RPL6: variants seen among roughly 807,000 people sequenced by gnomAD.
RPL6 encodes ribosomal protein L6.
RPL6 carries 1 observed loss-of-function variant against 32.1 expected under a neutral mutation model. The observed-to-expected ratio is 0.03, with a 90% CI of 0.01 to 0.15. The LOEUF (loss-of-function observed/expected upper bound fraction) is 0.15. Ranked by LOEUF, RPL6 falls within the 10% of genes least tolerant of loss-of-function variation. RPL6 has a pLI of 1.00. For missense variants in RPL6, 275 were observed against 354.6 expected (o/e 0.78, Z 1.80); for synonymous variants, 126 against 131.6 (o/e 0.96, Z 0.29).
In RPL6 at chr12:112,406,612, G is replaced by A. The variant is rs567759600; in HGVS notation, c.480+135C>T. ...TACACTTCTTATTTGCAACAACTAA[G>A]TTGTATCTTGCAGATCATTTCCCCT... On this transcript the variant is annotated intron_variant, in intron 4 of 6. Coordinates refer to ENST00000202773, the MANE Select transcript of RPL6 (RefSeq NM_000970.6). The A allele has an allele frequency of 2.5e-6, 3 of 1,209,058 alleles. No homozygotes were observed. The Admixed American group carries it at 8.2e-5, about 33-fold the overall frequency. The allele number at this position is 1,209,058 out of a possible 1,614,324, so 74.9% of individuals were successfully genotyped here.
At chr12:112,413,005 A>G (rs2037359312), upstream of RPL6, among the ~76,000 whole-genome samples, 1 of 152,160 alleles carries the variant, frequency 6.6e-6, no homozygotes, top group African/African-American at 2.4e-5. Flanking sequence ...GAGCCTGTGT[A>G]TGGGATGAGT....
In RPL6 at chr12:112,406,238, G is replaced by A. The variant is rs552755251; in HGVS notation, c.529+56C>T. The A allele has an allele frequency of 1.1e-5, 16 of 1,483,440 alleles. 1 individual carries two copies. In the African/African-American group the frequency reaches 1.1e-4, roughly 10 times the overall value. 91.9% of individuals were successfully genotyped at this position (1,483,440 alleles called of 1,614,324 possible). A position where few individuals can be genotyped will look rare whatever the true frequency, so the allele number is the denominator to read the frequency against. On this transcript the variant is annotated intron_variant, in intron 5 of 6. Coordinates refer to ENST00000202773, the MANE Select transcript of RPL6 (RefSeq NM_000970.6). ...GCAGTAGCAAACAAACGTGTATACT[G>A]CAAGCATTTAAAAATGGAAGTTTCA...
chr12:112,412,889 A>G (rs1221732414), upstream of RPL6, among the ~76,000 whole-genome samples: 3 of 151,680 alleles, frequency 2.0e-5, no homozygotes, highest in Non-Finnish European at 4.4e-5. Context: ...GTGCCACTGC[A>G]CTCCAGCCTG....
At chr12:112,408,839 G>A (rs147896030) in intron 1 of RPL6, 183 bp from the exon 2 acceptor site, 5 of 603,188 alleles carry the variant, frequency 8.3e-6, no homozygotes, top group South Asian at 2.2e-5. Context: ...ACTCATTTGG[G>A]GTTTGTCTCC....
At position 112,405,516 on chromosome 12, in the gene RPL6, T is replaced by C. The variant is rs1594101748; in HGVS notation, c.715-140A>G. 8.8e-6 allele frequency: 8 copies of C among 913,682 alleles called. No individual in the cohort carries two copies. In the Middle Eastern group the frequency reaches 1.0e-3, roughly 116 times the overall value. 56.6% of individuals were successfully genotyped at this position (913,682 alleles called of 1,614,324 possible). ...AAAGACAATTTTGACAATCCTTTCC[T>C]TGGAATGCTGTGAAACACAACCCAT... On this transcript the variant is annotated intron_variant, in intron 6 of 6. Coordinates refer to ENST00000202773, the MANE Select transcript of RPL6 (RefSeq NM_000970.6).
intron 1 of RPL6, 179 bp from the exon 2 acceptor site, chr12:112,408,835 T>G: frequency 1.6e-6 from 1 of 610,370 alleles, no homozygotes. Context: ...TATGACTCAT[T>G]TGGGGTTTGT....
intron 1 of RPL6, among the ~76,000 whole-genome samples, chr12:112,415,434 C>T (rs998863363): frequency 5.9e-5 from 9 of 152,048 alleles, no homozygotes; most frequent in African/African-American, 1.4e-4. Flanking sequence ...TTTTTTGGGC[C>T]GGGCATGGTG....
At chr12:112,408,813 T>C in intron 1 of RPL6, 157 bp from the exon 2 acceptor site, 1 of 652,602 alleles carries the variant, frequency 1.5e-6, no homozygotes, top group Non-Finnish European at 2.6e-6. Context: ...CCCATTCTAC[T>C]CCAACCTTCA....
Position 112,407,044 on chromosome 12 carries a change from G to C in RPL6, c.337-154C>G, listed in dbSNP as rs2037193471. Reference sequence around the variant, plus strand: ...TTTTCATTTCTGCTAAGTAGACTTGGAAAAGGTCAATTATGCTTCTGCATC... The same window carrying C: ...TTTTCATTTCTGCTAAGTAGACTTGCAAAAGGTCAATTATGCTTCTGCATC... On this transcript the variant is annotated intron_variant, in intron 3 of 6. Transcript: ENST00000202773. The C allele has an allele frequency of 4.0e-6, 3 of 753,238 alleles. No homozygotes were observed. The South Asian group carries it at 6.6e-5, about 17-fold the overall frequency. 46.7% of individuals were successfully genotyped at this position (753,238 alleles called of 1,614,324 possible).
intron 1 of RPL6, among the ~76,000 whole-genome samples, chr12:112,417,843 AG>A (rs1230471129): frequency 6.6e-6 from 1 of 150,608 alleles, no homozygotes; most frequent in Non-Finnish European, 1.5e-5. Context: ...TTTTTTGTAG[AG>A]ATGGGATTTC....
chr12:112,409,064 C>T (rs1290848246), intron 1 of RPL6: 3 of 235,150 alleles, frequency 1.3e-5, no homozygotes, highest in African/African-American at 2.2e-5. Context: ...CGTCTTAACC[C>T]TTAAGACCAG....
At chr12:112,412,382 C>T (rs2037351667), upstream of RPL6, among the ~76,000 whole-genome samples, 1 of 151,920 alleles carries the variant, frequency 6.6e-6, no homozygotes, top group South Asian at 2.1e-4. Flanking sequence ...ACCATGTTGG[C>T]CAGGCTGGTT....
chr12:112,410,852 G>A (rs1425724593), upstream of RPL6, among the ~76,000 whole-genome samples: 1 of 152,154 alleles, frequency 6.6e-6, no homozygotes, highest in Non-Finnish European at 1.5e-5. Context: ...TAGGATTACA[G>A]GCGTGAGCCA....
intron 1 of RPL6, 98 bp downstream of exon 1, chr12:112,409,489 C>A: frequency 2.5e-6 from 1 of 398,580 alleles, no homozygotes; most frequent in Non-Finnish European, 4.4e-6. Context: ...TGGACATGTC[C>A]GACCCCTGTA....
chr12:112,410,314 C>G, upstream of RPL6: 1 of 293,296 alleles, frequency 3.4e-6, no homozygotes, highest in Non-Finnish European at 6.9e-6. Flanking sequence ...TCCCCTCTTC[C>G]CTTACCTTGG....
chr12:112,412,184 C>T (rs866972738), upstream of RPL6, among the ~76,000 whole-genome samples: 1 of 152,002 alleles, frequency 6.6e-6, no homozygotes, highest in Non-Finnish European at 1.5e-5. Flanking sequence ...GGACTACAGG[C>T]GCCCGCCACC....
chr12:112,406,662 GA>G, intron 4 of RPL6, 84 bp downstream of exon 4: 2 of 1,522,898 alleles, frequency 1.3e-6, no homozygotes, highest in South Asian at 1.2e-5. Context: ...GTAAATAAAG[GA>G]AAAGTACACC....
chr12:112,414,863 C>A (rs1238178027), upstream of RPL6, among the ~76,000 whole-genome samples: 1 of 151,808 alleles, frequency 6.6e-6, no homozygotes, highest in African/African-American at 2.4e-5. Flanking sequence ...CGAGATCACG[C>A]CACTGCACTC....
chr12:112,406,591 C>G, intron 4 of RPL6, 156 bp downstream of exon 4: 1 of 1,050,868 alleles, frequency 9.5e-7, no homozygotes, highest in Non-Finnish European at 1.4e-6. Flanking sequence ...ATGGATTACA[C>G]TTCTTATTTG....
Sources: allele counts gnomAD v4.1 joint callset (sites outside exome capture counted in the v4.1 genomes callset), GRCh38; gene constraint gnomAD v4.1.1; transcripts MANE v1.5; gene names NCBI Gene and HGNC (gene_info 2026-07-23, HGNC 2026-07-21).